AGBL4: variants seen among roughly 807,000 people sequenced by gnomAD.
AGBL4 encodes the protein AGBL carboxypeptidase 4.
AGBL4 carries 58 observed loss-of-function variants against 66.4 expected under a neutral mutation model. The observed-to-expected ratio is 0.87, with a 90% CI of 0.71 to 1.09. The LOEUF is 1.09. Among genes scored for constraint, AGBL4 ranks in the 50% least tolerant of loss-of-function variants. The pLI, the probability that AGBL4 is intolerant of heterozygous loss-of-function variation, is 0.00. For synonymous variants in AGBL4, 234 were observed against 222.9 expected (o/e 1.05, Z -0.44); for missense variants, 579 against 631.0 (o/e 0.92, Z 0.88).
Position 49,500,595 on chromosome 1 carries a change from G to A in AGBL4, c.282+196718C>T, listed in dbSNP as rs990539831. Among the ~76,000 whole-genome samples the A allele has an allele frequency of 2.2e-4, 34 of 151,870 alleles. 1 individual carries two copies. Among genetic ancestry groups the A allele is most frequent in the Admixed American group, 1.3e-4 (2 of 15,230 alleles). ...AGGATCAACTTTTATTCTTCTACAC[G>A]TGTCTTGACAATTATCCTAGAACCC... On this transcript the variant is annotated intron_variant, in intron 3 of 13. Coordinates refer to ENST00000371839, the MANE Select transcript of AGBL4 (RefSeq NM_032785.4).
At chr1:49,894,543 A>G (rs957298320) in intron 1 of AGBL4, among the ~76,000 whole-genome samples, 1 of 152,162 alleles carries the variant, frequency 6.6e-6, no homozygotes, top group Non-Finnish European at 1.5e-5. Context: ...GAATTCTATC[A>G]GATAAATTTA....
chr1:48,563,640 G>T (rs1167776088), intron 11 of AGBL4, among the ~76,000 whole-genome samples: 1 of 113,256 alleles, frequency 8.8e-6, no homozygotes, highest in African/African-American at 3.2e-5. Context: ...AAACAGAAAG[G>T]GTGACTTACA....
chr1:48,603,329 G>C (rs1334388355), intron 9 of AGBL4, among the ~76,000 whole-genome samples: 1 of 152,180 alleles, frequency 6.6e-6, no homozygotes, highest in East Asian at 1.9e-4. Flanking sequence ...AATTAGCTGA[G>C]TGTGGTAGTG....
intron 11 of AGBL4, among the ~76,000 whole-genome samples, chr1:48,577,032 T>G (rs1266239848): frequency 6.6e-6 from 1 of 152,248 alleles, no homozygotes; most frequent in Non-Finnish European, 1.5e-5. Flanking sequence ...ATTGTCCAAT[T>G]AAGCCCCCCT....
chr1:49,511,398 T>C (rs1223759589), intron 3 of AGBL4, among the ~76,000 whole-genome samples: 1 of 135,632 alleles, frequency 7.4e-6, no homozygotes, highest in Non-Finnish European at 1.5e-5. Context: ...AGGTGGGAAT[T>C]GAACAATGAG....
intron 2 of AGBL4, among the ~76,000 whole-genome samples, chr1:49,778,303 C>G (rs191439412): frequency 6.6e-6 from 1 of 152,282 alleles, no homozygotes; most frequent in Non-Finnish European, 1.5e-5. Flanking sequence ...AGGTGTCACA[C>G]AGGCCACTCT....
chr1:49,243,252 A>G (rs1194399681), intron 4 of AGBL4, among the ~76,000 whole-genome samples: 1 of 151,772 alleles, frequency 6.6e-6, no homozygotes, highest in African/African-American at 2.4e-5. Flanking sequence ...TGGGAAAGCT[A>G]GAATTAGAAA....
intron 3 of AGBL4, among the ~76,000 whole-genome samples, chr1:49,403,694 C>A (rs1645136394): frequency 6.6e-6 from 1 of 152,100 alleles, no homozygotes; most frequent in African/African-American, 2.4e-5. Context: ...GTATTTATTG[C>A]AGTGTTCTCA....
chr1:48,555,521 A>G (rs1329925831), intron 11 of AGBL4, among the ~76,000 whole-genome samples: 1 of 152,212 alleles, frequency 6.6e-6, no homozygotes, highest in Non-Finnish European at 1.5e-5. Context: ...AATATCTTCT[A>G]AAAGATAAAG....
At chr1:49,828,340 G>GA (rs1382564894) in intron 2 of AGBL4, among the ~76,000 whole-genome samples, 1 of 152,172 alleles carries the variant, frequency 6.6e-6, no homozygotes, top group East Asian at 1.9e-4. Flanking sequence ...CTATAAAAGA[G>GA]AAACTGGGTA....
At chr1:48,778,622 A>C (rs1342754763) in intron 6 of AGBL4, among the ~76,000 whole-genome samples, 1 of 152,232 alleles carries the variant, frequency 6.6e-6, no homozygotes, top group Admixed American at 6.5e-5. Context: ...GCTTCTTAGT[A>C]GTGGTAGATG....
At chr1:49,204,420 A>C (rs544071645) in intron 4 of AGBL4, among the ~76,000 whole-genome samples, 2 of 151,948 alleles carry the variant, frequency 1.3e-5, no homozygotes, top group African/African-American at 4.8e-5. Flanking sequence ...ATACACATGC[A>C]GCACTACACC....
chr1:48,633,153 A>C (rs1421125647), intron 9 of AGBL4, among the ~76,000 whole-genome samples: 1 of 152,248 alleles, frequency 6.6e-6, no homozygotes, highest in African/African-American at 2.4e-5. Context: ...AGGACCTAGG[A>C]AAGCAAAATT....
chr1:49,317,038 T>G (rs1645050964), intron 3 of AGBL4, among the ~76,000 whole-genome samples: 1 of 151,956 alleles, frequency 6.6e-6, no homozygotes, highest in Non-Finnish European at 1.5e-5. Flanking sequence ...GCATTTTACA[T>G]TTTTGTCTCT....
chr1:49,190,820 G>A (rs1418827112), intron 4 of AGBL4, among the ~76,000 whole-genome samples: 2 of 152,032 alleles, frequency 1.3e-5, no homozygotes, highest in Non-Finnish European at 2.9e-5. Flanking sequence ...ATAATTAACA[G>A]AATAAAACAA....
At chr1:49,418,560 T>C (rs534877027) in intron 3 of AGBL4, among the ~76,000 whole-genome samples, 1 of 152,108 alleles carries the variant, frequency 6.6e-6, no homozygotes, top group Non-Finnish European at 1.5e-5. Flanking sequence ...CAAGACTCAG[T>C]GGAGTCAGGG....
At chr1:48,627,557 AT>A (rs1645524811) in intron 9 of AGBL4, among the ~76,000 whole-genome samples, 1 of 151,880 alleles carries the variant, frequency 6.6e-6, no homozygotes, top group African/African-American at 2.4e-5. Context: ...AGAGCAGCTT[AT>A]CTTAAGGGCT....
intron 5 of AGBL4, among the ~76,000 whole-genome samples, chr1:48,980,533 T>A (rs1473976492): frequency 1.3e-5 from 2 of 151,654 alleles, no homozygotes; most frequent in East Asian, 3.9e-4. Context: ...CACACATTTT[T>A]AAAAATATGG....
At chr1:49,882,302 A>G (rs1385361305) in intron 1 of AGBL4, among the ~76,000 whole-genome samples, 1 of 150,408 alleles carries the variant, frequency 6.6e-6, no homozygotes, top group African/African-American at 2.5e-5. Context: ...CTTGTAGTAT[A>G]GTTTGAAGTC....
Sources: allele counts gnomAD v4.1 joint callset (sites outside exome capture counted in the v4.1 genomes callset), GRCh38; gene constraint gnomAD v4.1.1; transcripts MANE v1.5; gene names NCBI Gene and HGNC (gene_info 2026-07-23, HGNC 2026-07-21).